ACVR2A: variants seen among roughly 807,000 people sequenced by gnomAD.
ACVR2A encodes activin A receptor type 2A.
A neutral mutation model predicts 61.4 loss-of-function variants in ACVR2A; 7 were observed. The observed-to-expected ratio is 0.11, with a 90% CI of 0.06 to 0.21. The LOEUF is 0.21. Among genes scored for constraint, ACVR2A ranks in the 10% least tolerant of loss-of-function variants. ACVR2A has a pLI of 1.00. For synonymous variants in ACVR2A, 193 were observed against 208.3 expected (o/e 0.93, Z 0.63); for missense variants, 322 against 621.7 (o/e 0.52, Z 5.13).
intron 3 of ACVR2A, 35 bp downstream of exon 3, chr2:147,899,602 A>C: frequency 6.3e-7 from 1 of 1,597,610 alleles, no homozygotes. Context: ...GGTTTGCTCA[A>C]CTGTAGATTG....
rs1686484538 is a variant in ACVR2A at position 147,887,975 on chromosome 2, TG to T, written c.56-8323del. On this transcript the variant is annotated intron_variant, in intron 1 of 10. Coordinates refer to ENST00000241416, the MANE Select transcript of ACVR2A (RefSeq NM_001616.5). Reference sequence around the variant, plus strand: ...TTTCTGGGAGGCTTTCTACAAGAGCTGGGCTTTCTGGAACTACTGGGATAAT... The same window carrying T: ...TTTCTGGGAGGCTTTCTACAAGAGCTGGCTTTCTGGAACTACTGGGATAAT... Among the ~76,000 whole-genome samples the T allele has an allele frequency of 5.3e-5, 8 of 152,322 alleles. No individual in the cohort carries two copies. The South Asian group carries it at 1.7e-3, about 32-fold the overall frequency.
chr2:147,917,161 A>C (rs910086433), intron 5 of ACVR2A, 122 bp from the exon 6 acceptor site: 1 of 1,098,632 alleles, frequency 9.1e-7, no homozygotes, highest in African/African-American at 1.6e-5. Context: ...AGAACAAAAA[A>C]TTTTTTAAGA....
Position 147,906,734 on chromosome 2 carries a change from A to G in ACVR2A, c.528+6836A>G, listed in dbSNP as rs1336114056. Among the ~76,000 whole-genome samples the G allele has an allele frequency of 3.3e-5, 5 of 152,052 alleles. No homozygotes were observed. The East Asian group carries it at 7.7e-4, about 24-fold the overall frequency. Reference sequence around the variant, plus strand: ...ATAAAAGATTCATTTTGAGTATTATATCAGGCACTATACAGATCACTTTAC... The same window carrying G: ...ATAAAAGATTCATTTTGAGTATTATGTCAGGCACTATACAGATCACTTTAC... On this transcript the variant is annotated intron_variant, in intron 4 of 10. Transcript: ENST00000241416.
intron 1 of ACVR2A, among the ~76,000 whole-genome samples, chr2:147,861,057 A>T (rs1480754774): frequency 6.6e-6 from 1 of 152,220 alleles, no homozygotes. Context: ...CCTACTTTAC[A>T]CAGTTGTTAT....
chr2:147,890,802 A>G (rs1686563769), intron 1 of ACVR2A, among the ~76,000 whole-genome samples: 1 of 152,140 alleles, frequency 6.6e-6, no homozygotes, highest in Admixed American at 6.5e-5. Flanking sequence ...CATATAATTT[A>G]CTTATTTTTA....
At chr2:147,924,241 A>T (rs1687450202) in intron 9 of ACVR2A, among the ~76,000 whole-genome samples, 1 of 152,090 alleles carries the variant, frequency 6.6e-6, no homozygotes, top group African/African-American at 2.4e-5. Flanking sequence ...AATATATTTT[A>T]TAAGAACTTT....
intron 4 of ACVR2A, among the ~76,000 whole-genome samples, chr2:147,903,610 G>A (rs117948447): frequency 3.4e-3 from 520 of 151,902 alleles, no homozygotes; most frequent in East Asian, 8.1e-3. Flanking sequence ...CATGACATGT[G>A]GTCTTCCATA....
chr2:147,862,615 A>C (rs751929503), intron 1 of ACVR2A, among the ~76,000 whole-genome samples: 1 of 151,942 alleles, frequency 6.6e-6, no homozygotes, highest in Non-Finnish European at 1.5e-5. Flanking sequence ...GTGGTAGCAC[A>C]CACCTGTAAT....
At chr2:147,899,654 C>A (rs903402983) in intron 3 of ACVR2A, 87 bp downstream of exon 3, 5 of 1,583,942 alleles carry the variant, frequency 3.2e-6, no homozygotes, top group Non-Finnish European at 8.6e-7. Flanking sequence ...TTTGCCCCTA[C>A]CTCTTCCCCA....
intron 4 of ACVR2A, among the ~76,000 whole-genome samples, chr2:147,910,427 T>G (rs1687086224): frequency 6.6e-6 from 1 of 152,180 alleles, no homozygotes; most frequent in African/African-American, 2.4e-5. Context: ...TTAATTTTAC[T>G]CTGGAGTACT....
intron 10 of ACVR2A, 86 bp downstream of exon 10, chr2:147,926,247 TCTG>T: frequency 6.7e-7 from 1 of 1,489,288 alleles, no homozygotes; most frequent in Non-Finnish European, 9.1e-7. Context: ...TTCTCTTTCT[TCTG>T]CAAGTATTTT....
intron 5 of ACVR2A, 85 bp from the exon 6 acceptor site, chr2:147,917,198 T>C: frequency 2.2e-6 from 3 of 1,357,604 alleles, no homozygotes; most frequent in East Asian, 2.7e-5. Context: ...TGTTTTACTT[T>C]GGAACTTATT....
chr2:147,894,217 A>T (rs1686666795), intron 1 of ACVR2A, among the ~76,000 whole-genome samples: 2 of 152,056 alleles, frequency 1.3e-5, no homozygotes. Flanking sequence ...GTTCTGTCCC[A>T]TTGATACATG....
In ACVR2A at chr2:147,889,741, C is replaced by T. The variant is rs545865799; in HGVS notation, c.56-6560C>T. ...CAGCCTGGGCGACAGAGTGAGACTC[C>T]GTCTCAAAAAAAAAGAAGTAGACTT... On this transcript the variant is annotated intron_variant, in intron 1 of 10. Coordinates refer to ENST00000241416, the MANE Select transcript of ACVR2A (RefSeq NM_001616.5). 1.0e-4 allele frequency among the ~76,000 whole-genome samples: 15 copies of T among 150,606 alleles called. No individual in the cohort carries two copies. In the South Asian group the frequency reaches 1.5e-3, roughly 15 times the overall value.
chr2:147,926,995 GCCATT>G lies in ACVR2A; in HGVS notation c.1348-84_1348-80del, dbSNP rs1306863577. ...GAAACTTCTTTGACCCAGAAAAATA[GCCATT>G]TCTTCATGAAAATTTTATTGTTTCC... On this transcript the variant is annotated intron_variant, in intron 10 of 10. Transcript: ENST00000241416. 10 of 1,294,364 alleles carry G rather than the reference GCCATT, an allele frequency of 7.7e-6. No homozygotes were observed. In the East Asian group the frequency reaches 2.3e-4, roughly 30 times the overall value. The allele number at this position is 1,294,364 out of a possible 1,614,324, so 80.2% of individuals were successfully genotyped here.
intron 4 of ACVR2A, among the ~76,000 whole-genome samples, chr2:147,913,411 A>G (rs1687167290): frequency 6.6e-6 from 1 of 151,872 alleles, no homozygotes; most frequent in Admixed American, 6.6e-5. Context: ...AGTTTTTGGC[A>G]TCCCCTCTGG....
intron 1 of ACVR2A, among the ~76,000 whole-genome samples, chr2:147,849,300 G>C (rs562995012): frequency 1.3e-5 from 2 of 152,200 alleles, no homozygotes; most frequent in East Asian, 1.9e-4. Context: ...TGACATCATT[G>C]GGCTGCCTTA....
chr2:147,891,396 T>C (rs1468253040), intron 1 of ACVR2A, among the ~76,000 whole-genome samples: 1 of 152,026 alleles, frequency 6.6e-6, no homozygotes, highest in South Asian at 2.1e-4. Context: ...AAACAAAAGG[T>C]AGGTTAGACG....
intron 5 of ACVR2A, among the ~76,000 whole-genome samples, 156 bp from the exon 6 acceptor site, chr2:147,917,127 C>A (rs889404830): frequency 1.3e-5 from 2 of 151,866 alleles, no homozygotes; most frequent in Non-Finnish European, 2.9e-5. Flanking sequence ...AACCTATTGT[C>A]AGAGCTTTTT....
Sources: gnomAD v4.1 joint callset for allele counts (sites outside exome capture counted in the v4.1 genomes callset) on GRCh38, gnomAD v4.1.1 for gene constraint, MANE v1.5 for transcripts, NCBI Gene and HGNC (gene_info 2026-07-23, HGNC 2026-07-21) for gene names.